The following RPS6KC1 variants were observed in gnomAD, a reference collection of about 807,000 sequenced individuals.
The protein encoded by RPS6KC1 is ribosomal protein S6 kinase C1.
A neutral mutation model predicts 103.8 loss-of-function variants in RPS6KC1; 54 were observed. The observed-to-expected ratio is 0.52, with a 90% CI of 0.42 to 0.65. The LOEUF (loss-of-function observed/expected upper bound fraction) is 0.65. Ranked by LOEUF, RPS6KC1 falls within the 30% of genes least tolerant of loss-of-function variation. The pLI, the probability that RPS6KC1 is intolerant of heterozygous loss-of-function variation, is 0.00. For missense variants in RPS6KC1, 1,151 were observed against 1,253.8 expected, an observed-to-expected ratio of 0.92 and a Z score of 1.24; for synonymous variants, 439 against 438.7, an observed-to-expected ratio of 1.00 and a Z score of -0.01.
chr1:213,574,873 G>C, the RPS6KC1 span, among the ~76,000 whole-genome samples: 6 of 152,304 alleles, frequency 3.9e-5, no homozygotes, highest in Admixed American at 3.3e-4. Flanking sequence ...GCAAGACCGA[G>C]TCACTGTGGG....
At chr1:213,461,644 A>T in the RPS6KC1 span, among the ~76,000 whole-genome samples, 2 of 152,324 alleles carry the variant, frequency 1.3e-5, no homozygotes, top group South Asian at 4.1e-4. Context: ...CAACCGTCTG[A>T]TCTTTGACAA....
chr1:213,410,343 G>A, the RPS6KC1 span, among the ~76,000 whole-genome samples: 1 of 152,154 alleles, frequency 6.6e-6, no homozygotes. Context: ...GATGAGGGAA[G>A]CAGAAGGAAG....
At chr1:213,832,352 C>A in the RPS6KC1 span, among the ~76,000 whole-genome samples, 3 of 152,216 alleles carry the variant, frequency 2.0e-5, no homozygotes, top group African/African-American at 7.2e-5. Flanking sequence ...ACTTGTTCAT[C>A]CCTTTCTGGG....
At chr1:213,473,003 C>T in the RPS6KC1 span, among the ~76,000 whole-genome samples, 10 of 152,172 alleles carry the variant, frequency 6.6e-5, no homozygotes, top group African/African-American at 2.4e-4. Flanking sequence ...TTGGGGACAC[C>T]TATTCCAATG....
chr1:213,569,583 TC>T, the RPS6KC1 span, among the ~76,000 whole-genome samples: 1 of 152,162 alleles, frequency 6.6e-6, no homozygotes, highest in South Asian at 2.1e-4. Flanking sequence ...ATTTTTTTTT[TC>T]AATAGGAGTT....
chr1:213,230,604 A>AT, intron 9 of RPS6KC1, 60 bp downstream of exon 9: 1 of 1,298,270 alleles, frequency 7.7e-7, no homozygotes, highest in Non-Finnish European at 1.1e-6. Flanking sequence ...GGAGACTGAG[A>AT]TAGGCAGGTC....
the RPS6KC1 span, among the ~76,000 whole-genome samples, chr1:213,691,734 G>C: frequency 6.6e-6 from 1 of 152,180 alleles, no homozygotes; most frequent in East Asian, 1.9e-4. Flanking sequence ...TAGTGGAGAT[G>C]TTAATCTGGG....
Position 213,261,640 on chromosome 1 carries a change from G to A in RPS6KC1, c.2994G>A (p.Lys998=), listed in dbSNP as rs1558653513. The change falls in exon 13 of 15, where the codon AAG becomes AAA. Residue 998 remains lysine (K), a splice_region_variant and synonymous_variant. Transcript: ENST00000366960. ...TCCTCTTTGAACTTCTCACTGGCAA[G>A]GTAAGCAGTGGCCTGGACGTTTAAT... The part of the protein sequence containing the change: ...GAVLFELLTG[K]TLVECHPAGI... 2 of 1,612,076 alleles carry A rather than the reference G, an allele frequency of 1.2e-6. No individual in the cohort carries two copies. Among genetic ancestry groups the A allele is most frequent in the East Asian group, 2.2e-5 (1 of 44,850 alleles).
chr1:213,179,588 A>C (rs937357111), intron 8 of RPS6KC1, among the ~76,000 whole-genome samples: 6 of 152,226 alleles, frequency 3.9e-5, no homozygotes, highest in African/African-American at 1.4e-4. Context: ...TAGCCAGGAT[A>C]TATTGATCTA....
At chr1:213,438,063 TGTA>T in the RPS6KC1 span, among the ~76,000 whole-genome samples, 9 of 152,172 alleles carry the variant, frequency 5.9e-5, no homozygotes, top group Non-Finnish European at 1.3e-4. Context: ...CTTCTTCTGC[TGTA>T]TCTAATCTGG....
chr1:213,247,006 C>A (rs1416804209), intron 12 of RPS6KC1, among the ~76,000 whole-genome samples: 1 of 152,168 alleles, frequency 6.6e-6, no homozygotes, highest in Non-Finnish European at 1.5e-5. Context: ...CCATTCTAGT[C>A]TTGAACAAGT....
At chr1:213,407,073 A>C in the RPS6KC1 span, among the ~76,000 whole-genome samples, 5 of 152,150 alleles carry the variant, frequency 3.3e-5, no homozygotes, top group East Asian at 7.7e-4. Context: ...CCAGCCCCCA[A>C]GGTCCTACCC....
intron 3 of RPS6KC1, among the ~76,000 whole-genome samples, chr1:213,092,016 C>T (rs142854764): frequency 5.4e-4 from 81 of 150,566 alleles, no homozygotes; most frequent in African/African-American, 1.8e-3. Flanking sequence ...CATTATATTC[C>T]GAGTAAGTAT....
intron 8 of RPS6KC1, among the ~76,000 whole-genome samples, chr1:213,194,561 TCTATCGCCTGTTAGGAACC>T (rs1337091028): frequency 6.6e-6 from 1 of 152,202 alleles, no homozygotes; most frequent in Admixed American, 6.5e-5. Context: ...CAGGTGTCAC[TCTATCGCCTGTTAGGAACC>T]GGGCCTCACA....
At chr1:213,521,158 C>T in the RPS6KC1 span, among the ~76,000 whole-genome samples, 10 of 152,082 alleles carry the variant, frequency 6.6e-5, no homozygotes, top group Non-Finnish European at 1.3e-4. Context: ...CAACTGAATA[C>T]TACAGGCATA....
the RPS6KC1 span, chr1:213,546,377 A>G: frequency 6.6e-6 from 1 of 152,168 alleles, no homozygotes; most frequent in African/African-American, 2.4e-5. Context: ...TCACTGATTC[A>G]CTTGGCTAGT....
the RPS6KC1 span, among the ~76,000 whole-genome samples, chr1:213,510,345 A>G: frequency 2.0e-5 from 3 of 152,112 alleles, no homozygotes; most frequent in African/African-American, 7.2e-5. Flanking sequence ...CAAAAGTTAG[A>G]TCCACTTTTA....
chr1:213,566,196 G>T, the RPS6KC1 span, among the ~76,000 whole-genome samples: 1 of 152,026 alleles, frequency 6.6e-6, no homozygotes, highest in Non-Finnish European at 1.5e-5. Flanking sequence ...ATGAAATTCT[G>T]TCAACTCTGC....
At chr1:213,283,531 A>G in the RPS6KC1 span, among the ~76,000 whole-genome samples, 2 of 152,198 alleles carry the variant, frequency 1.3e-5, no homozygotes, top group East Asian at 1.9e-4. Flanking sequence ...CAAATAGCCA[A>G]CTGGTGTTCA....
Sources: allele counts gnomAD v4.1 joint callset (sites outside exome capture counted in the v4.1 genomes callset), GRCh38; gene constraint gnomAD v4.1.1; transcripts MANE v1.5; gene names NCBI Gene and HGNC (gene_info 2026-07-23, HGNC 2026-07-21).